Variants in ITGB1 observed in about 807,000 individuals in gnomAD.
ITGB1 encodes integrin subunit beta 1, also known as integrin beta-1.
Under a neutral mutation model 86.5 loss-of-function variants are expected in ITGB1, and 24 were observed. That is an observed-to-expected ratio of 0.28 (90% confidence interval 0.20 to 0.39). The LOEUF is 0.39. ITGB1 is among the 10% of genes least tolerant of loss of function. The pLI, the probability that ITGB1 is intolerant of heterozygous loss-of-function variation, is 1.00. For missense variants in ITGB1, 556 were observed against 946.9 expected (o/e 0.59, Z 5.42); for synonymous variants, 323 against 316.8 (o/e 1.02, Z -0.21).
At chr10:32,935,590 TAAAG>T (rs1474543559) in intron 1 of ITGB1, 32 bp from the exon 2 acceptor site, 4 of 1,463,530 alleles carry the variant, frequency 2.7e-6, no homozygotes, top group African/African-American at 1.4e-5. Flanking sequence ...ATATTAGTTA[TAAAG>T]AAATAAAATG....
chr10:32,946,238 T>C (rs2095031047), intron 1 of ITGB1, among the ~76,000 whole-genome samples: 3 of 152,204 alleles, frequency 2.0e-5, no homozygotes, highest in Non-Finnish European at 4.4e-5. Context: ...AAGCATACTT[T>C]GTCATTAGTA....
At chr10:32,941,549 AAG>A (rs1364788803) in intron 1 of ITGB1, among the ~76,000 whole-genome samples, 17 of 152,186 alleles carry the variant, frequency 1.1e-4, no homozygotes, top group African/African-American at 4.1e-4. Context: ...TCCATGCTAA[AAG>A]AGTTTGGATT....
intron 1 of ITGB1, among the ~76,000 whole-genome samples, chr10:32,954,658 C>T (rs555884973): frequency 1.4e-4 from 22 of 152,212 alleles, no homozygotes; most frequent in African/African-American, 5.3e-4. Flanking sequence ...TTTTATGCAT[C>T]CCTGGAGATA....
At chr10:32,935,291 C>T (rs1417850594) in intron 2 of ITGB1, among the ~76,000 whole-genome samples, 1 of 152,164 alleles carries the variant, frequency 6.6e-6, no homozygotes, top group African/African-American at 2.4e-5. Context: ...GCCAACTTGC[C>T]TCCCATCATC....
chr10:32,916,093 T>C (rs998072857), intron 11 of ITGB1, among the ~76,000 whole-genome samples: 2 of 152,148 alleles, frequency 1.3e-5, no homozygotes, highest in Non-Finnish European at 2.9e-5. Context: ...AGAAAAGGTG[T>C]TCGACAAAAT....
intron 2 of ITGB1, 92 bp downstream of exon 2, chr10:32,935,400 T>A: frequency 1.3e-6 from 1 of 763,612 alleles, no homozygotes; most frequent in Non-Finnish European, 2.3e-6. Context: ...GCAGCATGAT[T>A]ATGACTTAGG....
chr10:32,941,513 G>A (rs1490322661), intron 1 of ITGB1, among the ~76,000 whole-genome samples: 1 of 152,144 alleles, frequency 6.6e-6, no homozygotes, highest in Non-Finnish European at 1.5e-5. Context: ...AGCAGGAAGA[G>A]CTACGTTACA....
Position 32,919,996 on chromosome 10 carries a change from T to C in ITGB1, c.1358A>G (p.Glu453Gly), listed in dbSNP as rs199980084. The C allele has an allele frequency of 6.2e-7, 1 of 1,613,990 alleles. No individual in the cohort carries two copies. Among genetic ancestry groups the C allele is most frequent in the Non-Finnish European group, 8.5e-7 (1 of 1,179,864 alleles). ...GATGTACTGAAGAATAACCTCTACT[T>C]CCTCCGTAAAGCCCAGAGGCCTAAT... The part of the protein sequence containing the change: ...FKIRPLGFTE[E>G]VEVILQYICE... The change falls in exon 11 of 16, where the codon GAA becomes GGA. Residue 453 changes from glutamate (E) to glycine (G), a missense_variant. Around this residue, in one of 4 missense-constraint regions of ITGB1, gnomAD observed 330 missense variants for 531.5 expected, o/e 0.62. Coordinates refer to ENST00000302278, the MANE Select transcript of ITGB1 (RefSeq NM_002211.4).
At chr10:32,935,470 TA>T in intron 2 of ITGB1, 21 bp downstream of exon 2, 1 of 1,553,658 alleles carries the variant, frequency 6.4e-7, no homozygotes, top group Non-Finnish European at 8.9e-7. Context: ...AAAAGACAAC[TA>T]AGAAAATTTT....
Position 32,926,126 on chromosome 10 carries a change from G to T in ITGB1, c.548-17C>A, listed in dbSNP as rs200787135. 3 of 1,548,884 alleles carry T rather than the reference G, an allele frequency of 1.9e-6. No homozygotes were observed. The highest frequency in any genetic ancestry group is 2.7e-6 in the Non-Finnish European group (3 of 1,121,380). On this transcript the variant is annotated splice_polypyrimidine_tract_variant and intron_variant, in intron 5 of 15. Transcript: ENST00000302278. Reference sequence around the variant, plus strand: ...AGCCAAATCCTGCCAAGAAAAAAATGGTACATAAATGAATGAATGGATGGA... The same window carrying T: ...AGCCAAATCCTGCCAAGAAAAAAATTGTACATAAATGAATGAATGGATGGA...
chr10:32,934,059 A>G (rs2094992856), intron 2 of ITGB1, among the ~76,000 whole-genome samples: 1 of 152,154 alleles, frequency 6.6e-6, no homozygotes, highest in Non-Finnish European at 1.5e-5. Flanking sequence ...ACCTTAGTAC[A>G]CATCTGATTA....
Position 32,928,075 on chromosome 10 carries a change from A to G in ITGB1, c.547+19T>C, listed in dbSNP as rs370222295. ...CAAGACTTTATAATGAAAATGGTCA[A>G]TGTTCCCAACATTCCTACCAATTCT... On this transcript the variant is annotated intron_variant, in intron 5 of 15. Coordinates refer to ENST00000302278, the MANE Select transcript of ITGB1 (RefSeq NM_002211.4). 4 of 1,442,288 alleles carry G rather than the reference A, an allele frequency of 2.8e-6. No individual in the cohort carries two copies. Among genetic ancestry groups the G allele is most frequent in the Admixed American group, 2.0e-5 (1 of 50,732 alleles). 89.3% of individuals were successfully genotyped at this position (1,442,288 alleles called of 1,614,324 possible).
At position 32,923,733 on chromosome 10, in the gene ITGB1, A is replaced by G; in HGVS notation, c.794T>C (p.Ile265Thr). Residue 265 changes from isoleucine (I) to threonine (T), a missense_variant, in exon 7 of 16, where the codon ATT (isoleucine) becomes ACT (threonine). Physicochemically the swap from Ile to Thr is moderately conservative, Grantham distance 89. This residue lies in a region of ITGB1 where 25 missense variants were observed against 76.3 expected (regional missense o/e 0.33). Coordinates refer to ENST00000302278, the MANE Select transcript of ITGB1 (RefSeq NM_002211.4). ...CAGCCGTGTAACATTCCTCCAGCCA[A>G]TCAGTGACTTGAAAAGAAAAGGATT... ...IMQVAVCGSLIGWRNVTRLLV... is the reference protein window; with the variant it reads ...IMQVAVCGSLTGWRNVTRLLV... The G allele has an allele frequency of 6.2e-7, 1 of 1,610,354 alleles. No individual in the cohort carries two copies. The highest frequency in any genetic ancestry group is 1.1e-5 in the South Asian group (1 of 90,078).
chr10:32,939,217 T>G (rs182878207), intron 1 of ITGB1, among the ~76,000 whole-genome samples: 2 of 152,282 alleles, frequency 1.3e-5, no homozygotes, highest in East Asian at 3.9e-4. Context: ...TGGCATTCCA[T>G]ATAAAACAGA....
intron 1 of ITGB1, among the ~76,000 whole-genome samples, chr10:32,950,353 T>G (rs1355048567): frequency 1.3e-5 from 2 of 152,172 alleles, no homozygotes; most frequent in East Asian, 3.8e-4. Context: ...TTCTGAATTC[T>G]GTACCATCTG....
chr10:32,914,115 G>A (rs1330527693), intron 11 of ITGB1, among the ~76,000 whole-genome samples: 1 of 152,172 alleles, frequency 6.6e-6, no homozygotes, highest in African/African-American at 2.4e-5. Context: ...AGCAAATGCT[G>A]AGAGATTGTG....
At chr10:32,944,956 A>G (rs1341800437) in intron 1 of ITGB1, 1 of 1,164,402 alleles carries the variant, frequency 8.6e-7, no homozygotes, top group Non-Finnish European at 1.3e-6. Context: ...AAGCTTTTCT[A>G]CAAACTAAAG....
At chr10:32,953,625 C>A (rs191431913) in intron 1 of ITGB1, 1 of 151,918 alleles carries the variant, frequency 6.6e-6, no homozygotes, top group Non-Finnish European at 1.5e-5. Flanking sequence ...ACTCCTCGAA[C>A]GAGAGAATGA....
At chr10:32,917,145 A>T (rs1593861523) in intron 11 of ITGB1, among the ~76,000 whole-genome samples, 1 of 152,224 alleles carries the variant, frequency 6.6e-6, no homozygotes, top group Non-Finnish European at 1.5e-5. Flanking sequence ...CCATATGGAG[A>T]AAGCTGAAAC....
Sources: allele counts gnomAD v4.1 joint callset (sites outside exome capture counted in the v4.1 genomes callset), GRCh38; gene constraint gnomAD v4.1.1; regional missense constraint gnomAD v4.1.1; transcripts MANE v1.5; gene names NCBI Gene and HGNC (gene_info 2026-07-23, HGNC 2026-07-21).